The following CSTPP1 variants were observed in gnomAD, a reference collection of about 807,000 sequenced individuals.
The protein encoded by CSTPP1 is centriolar satellite-associated tubulin polyglutamylase complex regulator 1, also known as UPF0705 protein C11orf49.
chr11:47,144,979 C>CTTTTT, the CSTPP1 span, among the ~76,000 whole-genome samples: 2 of 77,196 alleles, frequency 2.6e-5, no homozygotes, highest in African/African-American at 4.8e-5. Flanking sequence ...TATTGCCTGC[C>CTTTTT]ATTTTTTTTT....
At chr11:47,098,749 G>A in the CSTPP1 span, among the ~76,000 whole-genome samples, 4 of 151,988 alleles carry the variant, frequency 2.6e-5, no homozygotes, top group South Asian at 2.1e-4. Flanking sequence ...TGCTCTGCCC[G>A]CCTCAGCTTG....
At chr11:47,082,273 GC>G in the CSTPP1 span, among the ~76,000 whole-genome samples, 3,443 of 151,738 alleles carry the variant, frequency 0.023, 52 homozygotes, top group Middle Eastern at 0.048. Context: ...AAACCTGGAA[GC>G]CATAAAAGAA....
chr11:47,124,181 T>C, the CSTPP1 span, among the ~76,000 whole-genome samples: 1 of 122,202 alleles, frequency 8.2e-6, no homozygotes, highest in Non-Finnish European at 1.6e-5. Flanking sequence ...TGGAGTGCAG[T>C]GGTGCGATCT....
the CSTPP1 span, among the ~76,000 whole-genome samples, chr11:47,122,069 C>CAAAAAAAAA: frequency 5.5e-4 from 12 of 21,984 alleles, 1 homozygote; most frequent in Admixed American, 2.4e-3. Context: ...GACCCTGTCT[C>CAAAAAAAAA]AAAAAAAAAA....
At chr11:47,033,394 G>A in the CSTPP1 span, among the ~76,000 whole-genome samples, 2 of 152,172 alleles carry the variant, frequency 1.3e-5, no homozygotes, top group Admixed American at 1.3e-4. Context: ...TCTAATGTCA[G>A]TTTGTTTTCT....
chr11:47,108,704 C>CTTTTT, the CSTPP1 span, among the ~76,000 whole-genome samples: 3 of 118,390 alleles, frequency 2.5e-5, no homozygotes, highest in African/African-American at 3.3e-5. Flanking sequence ...GTACTATCTA[C>CTTTTT]TTTTTTTTTT....
chr11:47,090,312 C>T, the CSTPP1 span, among the ~76,000 whole-genome samples: 1 of 152,228 alleles, frequency 6.6e-6, no homozygotes, highest in South Asian at 2.1e-4. Context: ...AGGGTATCTA[C>T]TATGGTCCAA....
chr11:47,081,962 G>A, the CSTPP1 span, among the ~76,000 whole-genome samples: 5 of 148,688 alleles, frequency 3.4e-5, no homozygotes, highest in African/African-American at 1.2e-4. Context: ...TTACAGCAGG[G>A]TGTGGTGGCG....
chr11:47,048,483 A>G, the CSTPP1 span, among the ~76,000 whole-genome samples: 1 of 151,936 alleles, frequency 6.6e-6, no homozygotes, highest in Non-Finnish European at 1.5e-5. Flanking sequence ...ATTATGAAGG[A>G]AGGAAAGAAG....
chr11:46,984,524 T>C, the CSTPP1 span, among the ~76,000 whole-genome samples: 1 of 152,192 alleles, frequency 6.6e-6, no homozygotes, highest in African/African-American at 2.4e-5. Context: ...CATGGTCCAA[T>C]ATATTTCTTT....
At chr11:47,085,983 G>A in the CSTPP1 span, among the ~76,000 whole-genome samples, 3 of 151,760 alleles carry the variant, frequency 2.0e-5, no homozygotes, top group Non-Finnish European at 4.4e-5. Context: ...ATGGGGGTCG[G>A]GGATGGATAG....
At chr11:47,118,067 A>G in the CSTPP1 span, among the ~76,000 whole-genome samples, 5 of 151,070 alleles carry the variant, frequency 3.3e-5, no homozygotes, top group African/African-American at 4.9e-5. Flanking sequence ...TTTAGTAGAG[A>G]CGGGGTTTCA....
At chr11:47,136,187 G>T in the CSTPP1 span, among the ~76,000 whole-genome samples, 1 of 152,134 alleles carries the variant, frequency 6.6e-6, no homozygotes, top group Non-Finnish European at 1.5e-5. Context: ...TCCCTGCCCT[G>T]CCAGAAATCA....
chr11:46,946,175 G>C, the CSTPP1 span, among the ~76,000 whole-genome samples: 1 of 152,212 alleles, frequency 6.6e-6, no homozygotes, highest in Admixed American at 6.5e-5. Flanking sequence ...TGATGTCAGT[G>C]TTATTCTGGG....
the CSTPP1 span, among the ~76,000 whole-genome samples, chr11:47,094,278 G>A: frequency 6.6e-6 from 1 of 152,212 alleles, no homozygotes; most frequent in African/African-American, 2.4e-5. Context: ...CAGTTATAAA[G>A]GCAGAGGATA....
the CSTPP1 span, among the ~76,000 whole-genome samples, chr11:47,037,430 G>A: frequency 8.5e-6 from 1 of 117,532 alleles, no homozygotes; most frequent in Admixed American, 9.6e-5. Context: ...GGTGTTTCTC[G>A]CAGAGGGGGA....
chr11:47,038,516 C>T, the CSTPP1 span, among the ~76,000 whole-genome samples: 2 of 103,154 alleles, frequency 1.9e-5, no homozygotes, highest in Non-Finnish European at 4.9e-5. Flanking sequence ...TCCTCACTTC[C>T]CAGTAGGGGC....
At chr11:46,976,002 G>A in the CSTPP1 span, among the ~76,000 whole-genome samples, 3 of 152,258 alleles carry the variant, frequency 2.0e-5, no homozygotes, top group East Asian at 5.8e-4. Flanking sequence ...CAGGTCAGGG[G>A]GCTTAATGGG....
At chr11:47,031,607 G>A in the CSTPP1 span, among the ~76,000 whole-genome samples, 3 of 152,062 alleles carry the variant, frequency 2.0e-5, no homozygotes, top group Non-Finnish European at 4.4e-5. Flanking sequence ...TGAGGCAGGG[G>A]GATCGCTTCA....
Sources: gnomAD v4.1 joint callset for allele counts (sites outside exome capture counted in the v4.1 genomes callset) on GRCh38, gnomAD v4.1.1 for gene constraint, MANE v1.5 for transcripts, NCBI Gene and HGNC (gene_info 2026-07-23, HGNC 2026-07-21) for gene names.